ZCCHC14: variants seen among roughly 807,000 people sequenced by gnomAD.
ZCCHC14 encodes zinc finger CCHC-type containing 14.
ZCCHC14 carries 16 observed loss-of-function variants against 85.0 expected under a neutral mutation model. The observed-to-expected ratio is 0.19, with a 90% CI of 0.13 to 0.29. The LOEUF (loss-of-function observed/expected upper bound fraction) is 0.29, where lower values mean the gene tolerates loss of function less well. ZCCHC14 is among the 10% of genes least tolerant of loss of function. The pLI is 1.00. For missense variants in ZCCHC14, 1,303 were observed against 1,443.5 expected, an observed-to-expected ratio of 0.90 and a Z score of 1.58; for synonymous variants, 775 against 630.7, an observed-to-expected ratio of 1.23 and a Z score of -3.43.
Position 87,492,265 on chromosome 16 carries a change from C to A in ZCCHC14, c.-27G>T. 1 of 980,056 alleles carries A rather than the reference C, an allele frequency of 1.0e-6. No individual in the cohort carries two copies. The highest frequency in any genetic ancestry group is 1.2e-6 in the Non-Finnish European group (1 of 827,994). The allele number at this position is 980,056 out of a possible 1,614,324, so 60.7% of individuals were successfully genotyped here. ...CTGCCGCCCGCGCCGCGCCGCGACC[C>A]GGGGCCGGGGACCGCGCGGGGGCGG... On this transcript the variant is annotated 5_prime_UTR_variant, in exon 1 of 13. Coordinates refer to ENST00000671377, the MANE Select transcript of ZCCHC14 (RefSeq NM_015144.3). The surrounding 1 kb of genome is among the most constrained non-coding windows in gnomAD (Gnocchi z 6.7).
At chr16:87,485,470 T>A (rs972177836) in intron 1 of ZCCHC14, among the ~76,000 whole-genome samples, 1 of 151,946 alleles carries the variant, frequency 6.6e-6, no homozygotes, top group Non-Finnish European at 1.5e-5. Flanking sequence ...CTAAACTGCG[T>A]ATGTTAAGAC....
chr16:87,479,428 A>AG (rs995455610), intron 1 of ZCCHC14, among the ~76,000 whole-genome samples: 24 of 152,050 alleles, frequency 1.6e-4, no homozygotes, highest in African/African-American at 5.6e-4. Context: ...AAAAAAAAAA[A>AG]AAAGAAACCT....
At chr16:87,447,660 T>C (rs1472193203) in intron 2 of ZCCHC14, among the ~76,000 whole-genome samples, 3 of 152,260 alleles carry the variant, frequency 2.0e-5, no homozygotes, top group Non-Finnish European at 4.4e-5. Context: ...TAAGCTGCTA[T>C]AAGCCTTCAT....
At chr16:87,430,425 G>C (rs1312904921) in intron 3 of ZCCHC14, among the ~76,000 whole-genome samples, 1 of 152,090 alleles carries the variant, frequency 6.6e-6, no homozygotes, top group Non-Finnish European at 1.5e-5. Flanking sequence ...TGCTGTTCGA[G>C]AAGGCTTGAA....
intron 1 of ZCCHC14, among the ~76,000 whole-genome samples, chr16:87,489,817 T>C (rs2150781621): frequency 6.6e-6 from 1 of 152,294 alleles, no homozygotes; most frequent in South Asian, 2.1e-4. Flanking sequence ...CCAATCAAAA[T>C]AATAATCACC....
chr16:87,468,887 T>C (rs9927618), intron 1 of ZCCHC14, among the ~76,000 whole-genome samples: 45,638 of 152,042 alleles, frequency 0.3, 10,136 homozygotes, highest in African/African-American at 0.6. Flanking sequence ...TACAGTTTAT[T>C]TTCCCTAATA....
In ZCCHC14 at chr16:87,412,492, C is replaced by A; in HGVS notation, c.2229G>T (p.Leu743=). The change falls in exon 12 of 13, where the codon CTG becomes CTT. Residue 743 remains leucine (L), a synonymous_variant. Transcript: ENST00000671377. The part of the protein sequence containing the change: ...VVHASTLDRV[L]KTAQQPALVV... ...CCAGGGCCGGTTGCTGTGCTGTCTT[C>A]AGCACCCTGTCCAGCGTGGATGCAT... 1 of 1,614,018 alleles carries A rather than the reference C, an allele frequency of 6.2e-7. No individual in the cohort carries two copies. The highest frequency in any genetic ancestry group is 8.5e-7 in the Non-Finnish European group (1 of 1,180,028).
intron 1 of ZCCHC14, among the ~76,000 whole-genome samples, chr16:87,484,342 G>A (rs1055007604): frequency 2.0e-5 from 3 of 152,154 alleles, no homozygotes; most frequent in African/African-American, 4.8e-5. Flanking sequence ...TTACATTACC[G>A]ATTTAAAACC....
Position 87,407,102 on chromosome 16 carries a change from T to C in ZCCHC14, c.*3178A>G, listed in dbSNP as rs1231483310. On this transcript the variant is annotated 3_prime_UTR_variant, in exon 13 of 13. Transcript: ENST00000671377. Reference sequence around the variant, plus strand: ...ATCTGGCAAGTGCCTAAAGCCCCGCTCAGCCTCTGTTCCAGCTGGGTGATG... The same window carrying C: ...ATCTGGCAAGTGCCTAAAGCCCCGCCCAGCCTCTGTTCCAGCTGGGTGATG... The C allele has an allele frequency of 6.6e-6, 1 of 152,292 alleles. No individual in the cohort carries two copies. The highest frequency in any genetic ancestry group is 1.9e-4 in the East Asian group (1 of 5,200). 9.4% of individuals were successfully genotyped at this position (152,292 alleles called of 1,614,324 possible). A position where few individuals can be genotyped will look rare whatever the true frequency, so the allele number is the denominator to read the frequency against.
Position 87,419,853 on chromosome 16 carries a change from G to A in ZCCHC14, c.975C>T (p.His325=), listed in dbSNP as rs199534162. ...GLRYLASLPS[H]VLKNDHVRRF... The stretch of plus-strand genomic sequence containing the variant: ...TCCTGACATGGTCATTTTTCAACAC[G>A]TGAGAAGGTAATGAGGCCAGGTACC... Residue 325 remains histidine, a synonymous_variant, in exon 6 of 13, where the codon CAC becomes CAT. Transcript: ENST00000671377. The A allele has an allele frequency of 1.6e-5, 26 of 1,612,202 alleles. No individual in the cohort carries two copies. The highest frequency in any genetic ancestry group is 4.5e-5 in the East Asian group (2 of 44,820).
intron 2 of ZCCHC14, among the ~76,000 whole-genome samples, chr16:87,438,067 T>G (rs1160971504): frequency 6.6e-6 from 1 of 152,250 alleles, no homozygotes; most frequent in Non-Finnish European, 1.5e-5. Context: ...CTGCCACCTA[T>G]GGAGAAAATG....
intron 2 of ZCCHC14, among the ~76,000 whole-genome samples, chr16:87,458,323 C>G (rs1039686222): frequency 2.0e-5 from 3 of 152,104 alleles, no homozygotes; most frequent in Non-Finnish European, 4.4e-5. Context: ...CCTGCAATTC[C>G]GACGCCAAGT....
intron 1 of ZCCHC14, chr16:87,467,174 T>C: frequency 7.4e-7 from 1 of 1,352,282 alleles, no homozygotes; most frequent in Non-Finnish European, 1.1e-6. Flanking sequence ...GTCTGCTTTC[T>C]CCTCTGGCGG....
At chr16:87,477,022 G>A (rs1188462508) in intron 1 of ZCCHC14, among the ~76,000 whole-genome samples, 1 of 150,678 alleles carries the variant, frequency 6.6e-6, no homozygotes, top group Non-Finnish European at 1.5e-5. Context: ...CTACTCAGGA[G>A]GCTGAGGCGG....
In ZCCHC14 at chr16:87,415,297, T is replaced by C. The variant is rs761898674; in HGVS notation, c.1454A>G (p.Lys485Arg). 3.7e-6 allele frequency: 6 copies of C among 1,614,022 alleles called. No homozygotes were observed. Among genetic ancestry groups the C allele is most frequent in the Admixed American group, 1.7e-5 (1 of 60,026 alleles). Residue 485 changes from lysine to arginine, a missense_variant, in exon 9 of 13, where the codon AAG becomes AGG. Around this residue, in one of 7 missense-constraint regions of ZCCHC14, gnomAD observed 58 missense variants for 88.2 expected, o/e 0.66. Coordinates refer to ENST00000671377, the MANE Select transcript of ZCCHC14 (RefSeq NM_015144.3). The part of the protein sequence containing the change: ...SLTMGAKKKL[K>R]TQLELEKEKS... The stretch of plus-strand genomic sequence containing the variant: ...TCACTTTTCCAGCTCCAGCTGGGTC[T>C]TGAGCTTCTTCTTTGCCCCCATGGT...
At chr16:87,440,494 G>A (rs1476188649) in intron 2 of ZCCHC14, among the ~76,000 whole-genome samples, 3 of 152,020 alleles carry the variant, frequency 2.0e-5, no homozygotes, top group Admixed American at 2.0e-4. Flanking sequence ...GAGAGATCAG[G>A]CATTTTATAA....
chr16:87,467,298 C>T (rs1911570041), intron 1 of ZCCHC14: 1 of 1,579,076 alleles, frequency 6.3e-7, no homozygotes. Context: ...TTTATCAAGC[C>T]TCAATAATGT....
chr16:87,450,651 A>G (rs1597430185), intron 2 of ZCCHC14, among the ~76,000 whole-genome samples: 1 of 150,864 alleles, frequency 6.6e-6, no homozygotes, highest in Non-Finnish European at 1.5e-5. Flanking sequence ...GCTCATTGCA[A>G]CCTCCACCTG....
intron 1 of ZCCHC14, among the ~76,000 whole-genome samples, chr16:87,462,041 G>C (rs1432480811): frequency 2.6e-5 from 4 of 151,710 alleles, no homozygotes; most frequent in African/African-American, 9.7e-5. Context: ...GCTGAGGCAG[G>C]AGGACTGCTT....
Sources: allele counts gnomAD v4.1 joint callset (sites outside exome capture counted in the v4.1 genomes callset), GRCh38; gene constraint gnomAD v4.1.1; regional missense constraint gnomAD v4.1.1; non-coding constraint Gnocchi (gnomAD v3.1); transcripts MANE v1.5; gene names NCBI Gene and HGNC (gene_info 2026-07-23, HGNC 2026-07-21).